The following POLR1C variants were observed in gnomAD, a reference collection of about 807,000 sequenced individuals.
The protein encoded by POLR1C is DNA-directed RNA polymerases I and III subunit RPAC1.
A neutral mutation model predicts 38.3 loss-of-function variants in POLR1C; 42 were observed. The ratio of observed to expected loss-of-function variants is 1.10; its 90% CI spans 0.86 to 1.42. The LOEUF is 1.42. POLR1C is among the 40% of genes most tolerant of loss of function. The pLI is 0.00. For missense variants in POLR1C, 507 were observed against 450.5 expected, an observed-to-expected ratio of 1.13 and a Z score of -1.14; for synonymous variants, 163 against 163.9, an observed-to-expected ratio of 0.99 and a Z score of 0.04.
At chr6:43,559,389 T>A (rs1204883004) in intron 10 of POLR1C, among the ~76,000 whole-genome samples, 1 of 152,226 alleles carries the variant, frequency 6.6e-6, no homozygotes, top group African/African-American at 2.4e-5. Context: ...TTCTCTGATG[T>A]TACAAATTGA....
In POLR1C at chr6:43,521,297, CTG is replaced by C; in HGVS notation, c.1039_1040del (p.Ter347SerfsTer9). 2 of 1,612,232 alleles carry C rather than the reference CTG, an allele frequency of 1.2e-6. No individual in the cohort carries two copies. The highest frequency in any genetic ancestry group is 8.5e-7 in the Non-Finnish European group (1 of 1,179,978). ...LDELDAVQMD[*>X] The stretch of plus-strand genomic sequence containing the variant: ...ATGAACTAGATGCGGTTCAGATGGA[CTG>C]AGCTTGGATGCTTCTGAGGCAAGCT... On this transcript the variant is annotated frameshift_variant and stop_lost, in exon 9 of 9. Coordinates refer to ENST00000642195, the MANE Select transcript of POLR1C (RefSeq NM_203290.4). LOFTEE classifies it high-confidence loss of function.
At chr6:43,548,347 T>A (rs201873137) in intron 9 of POLR1C, 4 of 1,613,734 alleles carry the variant, frequency 2.5e-6, no homozygotes, top group Non-Finnish European at 3.4e-6. Flanking sequence ...AGTTCTTAAA[T>A]TGGTTGCTAA....
At chr6:43,557,351 G>A (rs921491746) in intron 10 of POLR1C, among the ~76,000 whole-genome samples, 5 of 143,634 alleles carry the variant, frequency 3.5e-5, no homozygotes, top group Non-Finnish European at 6.1e-5. Flanking sequence ...GCTTGAATCC[G>A]GGAGGCAGAG....
downstream of POLR1C, among the ~76,000 whole-genome samples, chr6:43,521,914 CCT>C (rs1793213259): frequency 6.6e-6 from 1 of 152,114 alleles, no homozygotes. Context: ...ACAGTGAGAC[CCT>C]GTTTCAAAAA....
rs562499631 is a variant in POLR1C, at chr6:43,517,334, A to G, written c.98A>G (p.Tyr33Cys). The G allele has an allele frequency of 2.5e-6, 4 of 1,614,006 alleles. No individual in the cohort carries two copies. In the African/African-American group the frequency reaches 5.3e-5, roughly 22 times the overall value. ...CATACTACTGACTTTCCCGGTAACTATTCCGGTTATGATGATGCCTGGGAC... is the reference window on the plus strand; with the variant it reads ...CATACTACTGACTTTCCCGGTAACTGTTCCGGTTATGATGATGCCTGGGAC... ...NVHTTDFPGNYSGYDDAWDQD... is the reference protein window; with the variant it reads ...NVHTTDFPGNCSGYDDAWDQD... Residue 33 changes from tyrosine to cysteine, a missense_variant, in exon 2 of 9, where the codon TAT becomes TGT. Transcript: ENST00000642195.
Position 43,520,709 on chromosome 6 carries a change from G to C in POLR1C, c.740G>C (p.Gly247Ala). The stretch of plus-strand genomic sequence containing the variant: ...ATCACCCTGCTTGAGCCCGTGGAAG[G>C]GGAGGCAGCTGAGGAGTTGAGCAGG... ...PDITLLEPVE[G>A]EAAEELSRCF... The change falls in exon 7 of 9, where the codon GGG becomes GCG. Residue 247 changes from glycine (G) to alanine (A), a missense_variant. By Grantham distance (60) the Gly-to-Ala change is moderately conservative (BLOSUM62 0). Transcript: ENST00000642195. The C allele has an allele frequency of 6.2e-7, 1 of 1,614,112 alleles. No homozygotes were observed. The highest frequency in any genetic ancestry group is 8.5e-7 in the Non-Finnish European group (1 of 1,180,006).
chr6:43,539,105 C>T lies in POLR1C; in HGVS notation c.*4+9746C>T, dbSNP rs547426521. On this transcript the variant is annotated intron_variant, in intron 9 of 10. Coordinates refer to the POLR1C transcript ENST00000607635. The stretch of plus-strand genomic sequence containing the variant: ...AGGTGCGGAGACAATGCCAGTGCCC[C>T]TGGGTGCAGGGATGAGGCGCACCAG... The T allele has an allele frequency of 2.6e-5, 34 of 1,285,652 alleles. No homozygotes were observed. The Middle Eastern group carries it at 7.7e-4, about 29-fold the overall frequency. 79.6% of individuals were successfully genotyped at this position (1,285,652 alleles called of 1,614,324 possible).
At chr6:43,556,849 C>T (rs1210859355) in intron 10 of POLR1C, among the ~76,000 whole-genome samples, 1 of 152,086 alleles carries the variant, frequency 6.6e-6, no homozygotes, top group Non-Finnish European at 1.5e-5. Flanking sequence ...GAAATGAAGG[C>T]CGGGTGTGGT....
At chr6:43,519,461 A>G (rs769705683) in intron 3 of POLR1C, 21 bp downstream of exon 3, 3 of 1,567,568 alleles carry the variant, frequency 1.9e-6, no homozygotes, top group African/African-American at 1.4e-5. Flanking sequence ...GCATGGTGAC[A>G]AGGCTGGAGT....
intron 8 of POLR1C, chr6:43,527,411 A>T (rs1414072874): frequency 2.5e-6 from 1 of 407,414 alleles, no homozygotes; most frequent in African/African-American, 2.1e-5. Context: ...AGCTGGGACT[A>T]CAGGCCTGCG....
At chr6:43,546,942 A>G (rs1468008110) in intron 9 of POLR1C, among the ~76,000 whole-genome samples, 2 of 152,100 alleles carry the variant, frequency 1.3e-5, no homozygotes, top group Non-Finnish European at 2.9e-5. Context: ...TCTCACTGCC[A>G]TTTTCAGGGC....
At chr6:43,530,713 A>C, downstream of POLR1C, 1 of 1,614,008 alleles carries the variant, frequency 6.2e-7, no homozygotes, top group Non-Finnish European at 8.5e-7. Context: ...GTCGGTAGTC[A>C]GGAATATTGT....
intron 8 of POLR1C, chr6:43,529,143 T>C: frequency 7.7e-7 from 1 of 1,300,246 alleles, no homozygotes; most frequent in African/African-American, 1.5e-5. Flanking sequence ...TGCATTTCCG[T>C]CAGGCTGCAC....
At chr6:43,553,910 T>C (rs1446456084) in intron 10 of POLR1C, among the ~76,000 whole-genome samples, 1 of 152,158 alleles carries the variant, frequency 6.6e-6, no homozygotes, top group African/African-American at 2.4e-5. Context: ...AGAATCTAAA[T>C]AATTAAAATT....
At position 43,520,445 on chromosome 6, in the gene POLR1C, C is replaced by T. The variant is rs1244185639; in HGVS notation, c.655+18C>T. On this transcript the variant is annotated intron_variant, in intron 6 of 8. Transcript: ENST00000642195. The stretch of plus-strand genomic sequence containing the variant: ...GGGCATTGGTGAGAACCCTGTGTGC[C>T]TTCCTGGGAAGGGGGATAGTTCGGT... The T allele has an allele frequency of 6.2e-7, 1 of 1,612,914 alleles. No individual in the cohort carries two copies. Among genetic ancestry groups the T allele is most frequent in the Non-Finnish European group, 8.5e-7 (1 of 1,180,000 alleles).
chr6:43,552,498 AT>A (rs1191244075), intron 10 of POLR1C, among the ~76,000 whole-genome samples: 4 of 152,028 alleles, frequency 2.6e-5, no homozygotes, highest in African/African-American at 7.2e-5. Context: ...GATTACAGAC[AT>A]GCACCAGCAT....
At position 43,529,120 on chromosome 6, in the gene POLR1C, C is replaced by T. The variant is rs1041376709; in HGVS notation, c.923-129C>T. ...GGCACTGATATTGAATTCCATTATA[C>T]TCTTAGTTTAGCTGCATTTCCGTCA... is the stretch of plus-strand genomic sequence containing the variant. On this transcript the variant is annotated intron_variant, in intron 8 of 8. Transcript: ENST00000304004. 3.5e-6 allele frequency: 4 copies of T among 1,158,692 alleles called. No homozygotes were observed. The African/African-American group carries it at 6.2e-5, about 18-fold the overall frequency. 71.8% of individuals were successfully genotyped at this position (1,158,692 alleles called of 1,614,324 possible).
downstream of POLR1C, chr6:43,534,133 G>A (rs1036019995): frequency 3.3e-6 from 2 of 601,840 alleles, no homozygotes; most frequent in African/African-American, 3.8e-5. Flanking sequence ...GCAGGGGAAA[G>A]AAAAGAAGGT....
rs1299145971 is a variant in POLR1C, at chr6:43,521,246, G to C, written c.987G>C (p.Leu329=). 6.2e-7 allele frequency: 1 copy of C among 1,613,460 alleles called. No individual in the cohort carries two copies. The highest frequency in any genetic ancestry group is 1.3e-5 in the African/African-American group (1 of 74,912). The change falls in exon 9 of 9, where the codon CTG becomes CTC. Residue 329 remains leucine, a synonymous_variant. Coordinates refer to ENST00000642195, the MANE Select transcript of POLR1C (RefSeq NM_203290.4). ...DVLVSEAIKV[L]MGKCRRFLDE... ...TGGTGAGTGAAGCCATCAAAGTACT[G>C]ATGGGGAAGTGCCGGCGCTTCTTGG...
Sources: allele counts gnomAD v4.1 joint callset (sites outside exome capture counted in the v4.1 genomes callset), GRCh38; gene constraint gnomAD v4.1.1; transcripts MANE v1.5; gene names NCBI Gene and HGNC (gene_info 2026-07-23, HGNC 2026-07-21).